ADAMTSL1: variants seen among roughly 807,000 people sequenced by gnomAD.
The protein encoded by ADAMTSL1 is ADAMTS-like protein 1.
ADAMTSL1 carries 126 observed loss-of-function variants against 201.8 expected under a neutral mutation model. The observed-to-expected ratio is 0.62, with a 90% CI of 0.54 to 0.72. ADAMTSL1 has a LOEUF of 0.72. Ranked by LOEUF, ADAMTSL1 falls within the 30% of genes least tolerant of loss-of-function variation. The probability of loss-of-function intolerance (pLI) is 0.00; values close to 1 mark genes in which losing one functional copy is unlikely to be tolerated. For missense variants in ADAMTSL1, 2,679 were observed against 2,277.8 expected, an observed-to-expected ratio of 1.18 and a Z score of -3.59; for synonymous variants, 1,121 against 903.4, an observed-to-expected ratio of 1.24 and a Z score of -4.32.
At chr9:18,744,585 G>A (rs567802536) in intron 15 of ADAMTSL1, among the ~76,000 whole-genome samples, 2 of 152,326 alleles carry the variant, frequency 1.3e-5, no homozygotes, top group South Asian at 4.1e-4. Flanking sequence ...CCCTTCATCT[G>A]TACCAGGCCC....
chr9:18,680,630 A>C, intron 11 of ADAMTSL1, 114 bp downstream of exon 11: 1 of 1,169,208 alleles, frequency 8.6e-7, no homozygotes, highest in Non-Finnish European at 1.2e-6. Context: ...AGGTGTCTAG[A>C]AGCCTACCAG....
rs982589507 is a variant in ADAMTSL1, at chr9:18,064,733, C to A, written c.88-99129C>A. 2.0e-5 allele frequency among the ~76,000 whole-genome samples: 3 copies of A among 151,692 alleles called. No individual in the cohort carries two copies. The East Asian group carries it at 5.8e-4, about 29-fold the overall frequency. On this transcript the variant is annotated intron_variant, in intron 1 of 29. Transcript: ENST00000680146. ...TAAAATCTCATTGGCTTGTTTGTGC[C>A]CTTTAATTTGTAAATTATATCCTTT...
At chr9:18,828,524 T>C (rs1588179517) in intron 22 of ADAMTSL1, among the ~76,000 whole-genome samples, 1 of 151,274 alleles carries the variant, frequency 6.6e-6, no homozygotes, top group Non-Finnish European at 1.5e-5. Flanking sequence ...ATTTTGTAGA[T>C]GAGAAAACTA....
Position 18,777,263 on chromosome 9 carries a change from G to T in ADAMTSL1, c.3034G>T (p.Gly1012Cys). 6.2e-7 allele frequency: 1 copy of T among 1,610,768 alleles called. No individual in the cohort carries two copies. Among genetic ancestry groups the T allele is most frequent in the Non-Finnish European group, 8.5e-7 (1 of 1,178,992 alleles). ...CAACGGCAGCAAGGCGGAGAAGCGG[G>T]GCCTGGCCGCCAACCCGGGGAGCCG... ...FSNGSKAEKR[G>C]LAANPGSRYD... The change falls in exon 19 of 29, where the codon GGC becomes TGC. Residue 1012 changes from glycine to cysteine, a missense_variant. Coordinates refer to ENST00000380548, the MANE Select transcript of ADAMTSL1 (RefSeq NM_001040272.6).
intron 2 of ADAMTSL1, among the ~76,000 whole-genome samples, chr9:18,225,052 T>C (rs1830394462): frequency 6.6e-6 from 1 of 152,158 alleles, no homozygotes; most frequent in African/African-American, 2.4e-5. Flanking sequence ...TGCTTCTTAA[T>C]TACTCTGGGA....
chr9:18,269,699 G>A (rs1406925968), intron 2 of ADAMTSL1, among the ~76,000 whole-genome samples: 2 of 152,068 alleles, frequency 1.3e-5, no homozygotes, highest in Non-Finnish European at 2.9e-5. Context: ...CATTTCCTTG[G>A]AAAAGAGTAT....
intron 1 of ADAMTSL1, among the ~76,000 whole-genome samples, chr9:17,972,685 G>A (rs955708608): frequency 1.3e-5 from 2 of 151,230 alleles, no homozygotes; most frequent in African/African-American, 4.9e-5. Flanking sequence ...ACCCAGTAAT[G>A]GGATGGCTGG....
intron 1 of ADAMTSL1, among the ~76,000 whole-genome samples, chr9:18,111,358 A>C (rs546447405): frequency 6.6e-6 from 1 of 152,270 alleles, no homozygotes; most frequent in African/African-American, 2.4e-5. Flanking sequence ...TTTTTCACTT[A>C]ATGTCTAAAG....
intron 1 of ADAMTSL1, among the ~76,000 whole-genome samples, chr9:18,502,306 ATG>A (rs1207663786): frequency 6.6e-6 from 1 of 152,220 alleles, no homozygotes; most frequent in Non-Finnish European, 1.5e-5. Flanking sequence ...TTTGAGTAAA[ATG>A]AGAGAAATCG....
rs201292243 is a variant in ADAMTSL1, at chr9:18,582,863, T to TAAAATA, written c.474+8600_474+8601insATAAAA. On this transcript the variant is annotated intron_variant, in intron 4 of 28. Coordinates refer to ENST00000380548, the MANE Select transcript of ADAMTSL1 (RefSeq NM_001040272.6). The stretch of plus-strand genomic sequence containing the variant: ...GACTCCATCTCAAAATAAAATAAAA[T>TAAAATA]AAATAAAATAAAATAAAATAAAATA... Among the ~76,000 whole-genome samples the TAAAATA allele has an allele frequency of 5.3e-3, 789 of 147,816 alleles. 11 individuals carry two copies. The highest frequency in any genetic ancestry group is 0.015 in the African/African-American group (608 of 39,970).
chr9:18,716,054 A>AT (rs1244049072), intron 14 of ADAMTSL1, among the ~76,000 whole-genome samples: 1 of 150,540 alleles, frequency 6.6e-6, no homozygotes, highest in African/African-American at 2.4e-5. Flanking sequence ...CTGAAACTGG[A>AT]TCCCTTCCTT....
chr9:18,711,631 A>G lies in ADAMTSL1; in HGVS notation c.1876+4583A>G, dbSNP rs1049814654. 8.7e-3 allele frequency among the ~76,000 whole-genome samples: 1,322 copies of G among 151,688 alleles called. 26 individuals carry two copies. Among genetic ancestry groups the G allele is most frequent in the African/African-American group, 0.029 (1,188 of 41,270 alleles). On this transcript the variant is annotated intron_variant, in intron 14 of 28. Transcript: ENST00000380548. ...AGTCTCGCTGATTGCTAGCACAGCA[A>G]TCTGAGATCAAACTGCAAGGTGGCA...
rs1825899557 is a variant in ADAMTSL1, at chr9:17,911,447, A to G, written c.87+4525A>G. On this transcript the variant is annotated intron_variant, in intron 1 of 29. Transcript: ENST00000680146. ...GCTGGTCAAGAGGATGTGTTACTAG[A>G]TCAGCGCAAATCCATTACTGTTGCT... Among the ~76,000 whole-genome samples, 2 of 68,714 alleles carry G rather than the reference A, an allele frequency of 2.9e-5. 1 individual carries two copies. The highest frequency in any genetic ancestry group is 5.9e-5 in the African/African-American group (2 of 34,030). The allele number at this position is 68,714 out of a possible 152,430, so 45.1% of individuals were successfully genotyped here.
intron 5 of ADAMTSL1, among the ~76,000 whole-genome samples, chr9:18,635,349 T>TA (rs920763731): frequency 3.3e-5 from 5 of 151,696 alleles, no homozygotes; most frequent in Admixed American, 6.6e-5. Context: ...AGTCAATTTC[T>TA]AAAAAAAAAT....
chr9:18,615,482 C>G (rs768500494), intron 4 of ADAMTSL1, among the ~76,000 whole-genome samples: 3 of 152,138 alleles, frequency 2.0e-5, no homozygotes, highest in African/African-American at 7.2e-5. Context: ...AATATTCAAA[C>G]TTGTTATTAC....
chr9:18,694,235 G>T (rs1248192035), intron 13 of ADAMTSL1, among the ~76,000 whole-genome samples: 1 of 152,022 alleles, frequency 6.6e-6, no homozygotes, highest in African/African-American at 2.4e-5. Context: ...TTTGGGCAAG[G>T]ACACAAATCT....
chr9:18,738,562 A>G (rs1166037373), intron 15 of ADAMTSL1, among the ~76,000 whole-genome samples: 1 of 152,096 alleles, frequency 6.6e-6, no homozygotes, highest in Non-Finnish European at 1.5e-5. Flanking sequence ...TTTTTTTGCA[A>G]CTTCTGTGTA....
chr9:18,278,388 C>T (rs1273639033), intron 2 of ADAMTSL1, among the ~76,000 whole-genome samples: 1 of 152,166 alleles, frequency 6.6e-6, no homozygotes, highest in Non-Finnish European at 1.5e-5. Flanking sequence ...GTCTTCATCT[C>T]TCTTTTGTTT....
chr9:18,848,123 G>C (rs1826249226), intron 23 of ADAMTSL1, among the ~76,000 whole-genome samples: 1 of 152,264 alleles, frequency 6.6e-6, no homozygotes, highest in East Asian at 1.9e-4. Context: ...TGTCTGCCTG[G>C]CCCTGAGCTT....
Sources: gnomAD v4.1 joint callset for allele counts (sites outside exome capture counted in the v4.1 genomes callset) on GRCh38, gnomAD v4.1.1 for gene constraint, MANE v1.5 for transcripts, NCBI Gene and HGNC (gene_info 2026-07-23, HGNC 2026-07-21) for gene names.